Variants in ATP13A5 observed in about 807,000 individuals in gnomAD.
ATP13A5 encodes ATPase 13A5, also known as probable cation-transporting ATPase 13A5.
In ATP13A5, 149 loss-of-function variants were observed where a neutral mutation model predicts 150.2. The observed-to-expected ratio is 0.99, with a 90% CI of 0.87 to 1.14. The LOEUF is 1.14. ATP13A5 is among the 50% of genes most tolerant of loss of function. The pLI is 0.00. For missense variants in ATP13A5, 1,383 were observed against 1,449.3 expected (o/e 0.95, Z 0.74); for synonymous variants, 497 against 522.2 (o/e 0.95, Z 0.66).
At chr3:193,316,067 T>C (rs1462329954) in intron 17 of ATP13A5, among the ~76,000 whole-genome samples, 3 of 152,164 alleles carry the variant, frequency 2.0e-5, no homozygotes, top group Non-Finnish European at 4.4e-5. Context: ...GTATTAGGCC[T>C]TCTGTGACTG....
chr3:193,310,912 C>G lies in ATP13A5; in HGVS notation c.2446-195G>C, dbSNP rs1718820678. Among the ~76,000 whole-genome samples the G allele has an allele frequency of 2.0e-5, 3 of 152,192 alleles. No individual in the cohort carries two copies. In the South Asian group the frequency reaches 6.2e-4, roughly 32 times the overall value. ...TGAAATTTCACTTAAAGTCCTCCAT[C>G]ACAACTCCATTACTTTTTTCCCAGA... is the stretch of plus-strand genomic sequence containing the variant. On this transcript the variant is annotated intron_variant, in intron 20 of 29. Coordinates refer to ENST00000342358, the MANE Select transcript of ATP13A5 (RefSeq NM_198505.4).
chr3:193,321,585 C>T (rs1030374483), intron 16 of ATP13A5, 96 bp downstream of exon 16: 27 of 1,358,360 alleles, frequency 2.0e-5, no homozygotes, highest in East Asian at 7.0e-5. Flanking sequence ...GAGCTGAGAT[C>T]GTGCCACTGC....
rs370281434 is a variant in ATP13A5, at chr3:193,315,119, A to G, written c.2034-23T>C. 1.6e-4 allele frequency: 264 copies of G among 1,609,554 alleles called. 1 individual carries two copies. Among genetic ancestry groups the G allele is most frequent in the South Asian group, 1.2e-3 (106 of 90,794 alleles). On this transcript the variant is annotated intron_variant, in intron 17 of 29. Coordinates refer to ENST00000342358, the MANE Select transcript of ATP13A5 (RefSeq NM_198505.4). ...TCTCTTTGTATTCAGGAGAAAATCA[A>G]TATTAAAGTATATCTACGTAGGCTC...
rs984822408 is a variant in ATP13A5, at chr3:193,351,305, C to T, written c.607-104G>A. ...TTTTTTCTCATTTTTTTACAACATA[C>T]ACAAACCTCTAATATTTAAGAATTC... On this transcript the variant is annotated intron_variant, in intron 6 of 29. Transcript: ENST00000342358. 5 of 1,298,862 alleles carry T rather than the reference C, an allele frequency of 3.8e-6. No individual in the cohort carries two copies. The South Asian group carries it at 4.0e-5, about 10-fold the overall frequency. 80.5% of individuals were successfully genotyped at this position (1,298,862 alleles called of 1,614,324 possible). A position where few individuals can be genotyped will look rare whatever the true frequency, so the allele number is the denominator to read the frequency against.
intron 23 of ATP13A5, among the ~76,000 whole-genome samples, chr3:193,301,979 G>A (rs571325597): frequency 9.9e-5 from 15 of 152,258 alleles, no homozygotes; most frequent in Admixed American, 5.9e-4. Context: ...AGCTATTAAC[G>A]CAGTAACAGG....
At chr3:193,280,811 A>G (rs1362532594) in intron 27 of ATP13A5, among the ~76,000 whole-genome samples, 8 of 152,152 alleles carry the variant, frequency 5.3e-5, no homozygotes, top group Non-Finnish European at 1.2e-4. Context: ...CAATCCTATA[A>G]AGTTATAAAT....
At chr3:193,355,334 A>G (rs1168608209) in intron 5 of ATP13A5, among the ~76,000 whole-genome samples, 1 of 152,146 alleles carries the variant, frequency 6.6e-6, no homozygotes, top group Non-Finnish European at 1.5e-5. Flanking sequence ...ATGAGATTTC[A>G]TATTATTAGC....
intron 27 of ATP13A5, among the ~76,000 whole-genome samples, chr3:193,281,945 C>T (rs952345883): frequency 1.3e-5 from 2 of 152,134 alleles, no homozygotes; most frequent in South Asian, 2.1e-4. Flanking sequence ...CCTGTAATCC[C>T]AGCACTTTGG....
rs1310790726 is a variant in ATP13A5, at chr3:193,327,056, G to A, written c.1463C>T (p.Thr488Ile). Residue 488 changes from threonine (T) to isoleucine (I), a missense_variant and splice_region_variant, in exon 13 of 30, where the codon ACT becomes ATT. Physicochemically the swap from Thr to Ile is moderately conservative, Grantham distance 89 (BLOSUM62 -1). This residue lies in a region of ATP13A5 where 787 missense variants were observed against 771.9 expected (regional missense o/e 1.02). Transcript: ENST00000342358. ...GQINLVCFDK[T>I]GTLTEDGLDL... ...CAGCCCATCTTCAGTGAGAGTGCCA[G>A]TCTGAGTAAAAATTAAAAGCAATAT... is the stretch of plus-strand genomic sequence containing the variant. 5.6e-6 allele frequency: 9 copies of A among 1,604,558 alleles called. No individual in the cohort carries two copies. In the South Asian group the frequency reaches 9.1e-5, roughly 16 times the overall value.
intron 14 of ATP13A5, chr3:193,324,110 T>C: frequency 6.6e-6 from 1 of 152,316 alleles, no homozygotes; most frequent in Non-Finnish European, 1.5e-5. Context: ...GGTCACAGAC[T>C]CAGTCCTGGC....
intron 1 of ATP13A5, among the ~76,000 whole-genome samples, chr3:193,374,781 G>C (rs1231289963): frequency 1.3e-5 from 2 of 152,176 alleles, no homozygotes; most frequent in African/African-American, 4.8e-5. Flanking sequence ...TGCGCTGGGA[G>C]GTGGGGCGAA....
intron 9 of ATP13A5, among the ~76,000 whole-genome samples, chr3:193,342,545 T>C (rs980809222): frequency 6.6e-6 from 1 of 152,256 alleles, no homozygotes; most frequent in Admixed American, 6.5e-5. Flanking sequence ...GAGTTCGTTT[T>C]TCCAAAAAGG....
At chr3:193,373,437 C>G (rs544425654) in intron 1 of ATP13A5, among the ~76,000 whole-genome samples, 1 of 105,464 alleles carries the variant, frequency 9.5e-6, no homozygotes, top group South Asian at 3.6e-4. Flanking sequence ...AGCCACCGCG[C>G]CCAGGCAATT....
Position 193,363,344 on chromosome 3 carries a change from G to A in ATP13A5, c.276C>T (p.Cys92=). The change falls in exon 3 of 30, where the codon TGC becomes TGT. Residue 92 remains cysteine (C), a synonymous_variant. Transcript: ENST00000342358. ...FQRYMRKKVF[C]LYLSTLKFPV... ...GAAACTTCAGTGTGGATAAGTAGAG[G>A]CAGAATACCTTCTTCCTCATATATC... 2 of 1,613,300 alleles carry A rather than the reference G, an allele frequency of 1.2e-6. No individual in the cohort carries two copies. The highest frequency in any genetic ancestry group is 1.1e-5 in the South Asian group (1 of 90,842).
Position 193,311,925 on chromosome 3 carries a change from G to A in ATP13A5, c.2336C>T (p.Thr779Ile), listed in dbSNP as rs370805790. ...GPGKKEIYMH[T>I]GNSSTPRGEG... ...CCCACGAGGGGTTGAACTGTTTCCA[G>A]TATGCATGTAGATTTCCTAAAATCA... Residue 779 changes from threonine (T) to isoleucine (I), a missense_variant, in exon 20 of 30, where the codon ACT becomes ATT. Thr to Ile is a moderately conservative substitution (Grantham distance 89). This residue lies in a region of ATP13A5 where 568 missense variants were observed against 621.5 expected (regional missense o/e 0.91). Coordinates refer to ENST00000342358, the MANE Select transcript of ATP13A5 (RefSeq NM_198505.4). 13 of 1,613,758 alleles carry A rather than the reference G, an allele frequency of 8.1e-6. No homozygotes were observed. Among genetic ancestry groups the A allele is most frequent in the Non-Finnish European group, 1.1e-5 (13 of 1,179,772 alleles).
At chr3:193,341,174 TC>T (rs34364819) in intron 9 of ATP13A5, among the ~76,000 whole-genome samples, 4 of 56,846 alleles carry the variant, frequency 7.0e-5, no homozygotes, top group Non-Finnish European at 1.5e-4. Context: ...TCCCCCCCCC[TC>T]CCAAATGATA....
intron 6 of ATP13A5, among the ~76,000 whole-genome samples, chr3:193,353,085 T>C (rs1434688336): frequency 6.6e-6 from 1 of 152,070 alleles, no homozygotes; most frequent in Non-Finnish European, 1.5e-5. Flanking sequence ...CAATGAAGGC[T>C]TTCCACCCAA....
At chr3:193,284,266 C>A (rs1354013429) in intron 27 of ATP13A5, among the ~76,000 whole-genome samples, 1 of 152,048 alleles carries the variant, frequency 6.6e-6, no homozygotes, top group Non-Finnish European at 1.5e-5. Context: ...CTCAAGTGAT[C>A]CTTCCACCTC....
intron 21 of ATP13A5, 179 bp from the exon 22 acceptor site, chr3:193,307,548 G>A (rs1292107146): frequency 1.5e-5 from 11 of 709,860 alleles, no homozygotes; most frequent in Admixed American, 7.1e-5. Context: ...GGAAAAGGCA[G>A]TTGCGTTATT....
Sources: gnomAD v4.1 joint callset for allele counts (sites outside exome capture counted in the v4.1 genomes callset) on GRCh38, gnomAD v4.1.1 for gene constraint, gnomAD v4.1.1 regional missense constraint, MANE v1.5 for transcripts, NCBI Gene and HGNC (gene_info 2026-07-23, HGNC 2026-07-21) for gene names.